Variants in NAA60 observed in about 807,000 individuals in gnomAD.
The protein encoded by NAA60 is N-alpha-acetyltransferase 60.
Under a neutral mutation model 26.1 loss-of-function variants are expected in NAA60, and 8 were observed. That is an observed-to-expected ratio of 0.31 (90% CI 0.18 to 0.55). The LOEUF (loss-of-function observed/expected upper bound fraction) is 0.55. NAA60 is among the 20% of genes least tolerant of loss of function. NAA60 has a pLI of 0.93. For missense variants in NAA60, 290 were observed against 311.3 expected, an observed-to-expected ratio of 0.93 and a Z score of 0.51; for synonymous variants, 131 against 122.5, an observed-to-expected ratio of 1.07 and a Z score of -0.46.
At chr16:3,480,604 A>G (rs1211656411) in intron 4 of NAA60, among the ~76,000 whole-genome samples, 3 of 151,500 alleles carry the variant, frequency 2.0e-5, no homozygotes, top group Non-Finnish European at 4.4e-5. Context: ...TCTAAAAAAA[A>G]AAAAAAAGAA....
At chr16:3,469,949 G>C (rs1390078835) in intron 2 of NAA60, among the ~76,000 whole-genome samples, 1 of 152,204 alleles carries the variant, frequency 6.6e-6, no homozygotes, top group Admixed American at 6.5e-5. Flanking sequence ...CACCATCACT[G>C]TGCTCAAGGA....
intron 2 of NAA60, among the ~76,000 whole-genome samples, chr16:3,467,092 CAGAG>C (rs965626574): frequency 6.6e-6 from 1 of 151,950 alleles, no homozygotes; most frequent in African/African-American, 2.4e-5. Context: ...GTGCTTGGGC[CAGAG>C]AGAAAGAGCC....
chr16:3,447,873 A>G, intron 1 of NAA60, among the ~76,000 whole-genome samples: 1 of 152,178 alleles, frequency 6.6e-6, no homozygotes, highest in East Asian at 1.9e-4. Flanking sequence ...TAATTAGAAA[A>G]AAGCTCAGGG....
intron 2 of NAA60, 184 bp from the exon 3 acceptor site, chr16:3,476,038 C>T (rs1215168729): frequency 8.7e-6 from 5 of 572,978 alleles, no homozygotes; most frequent in South Asian, 4.2e-5. Context: ...GTCTTCCCAG[C>T]GATGGGGGCG....
chr16:3,443,636 A>T (rs2034431908), upstream of NAA60: 2 of 1,043,738 alleles, frequency 1.9e-6, no homozygotes, highest in East Asian at 5.7e-5. Flanking sequence ...GCCACTGGGC[A>T]GCTGCGAGAG....
intron 2 of NAA60, chr16:3,458,233 A>G: frequency 2.0e-6 from 1 of 489,250 alleles, no homozygotes; most frequent in Non-Finnish European, 2.6e-6. Flanking sequence ...CGGGGCGCCG[A>G]GGGGGCGGGG....
chr16:3,451,084 C>G (rs1379075841), intron 2 of NAA60, among the ~76,000 whole-genome samples: 1 of 152,208 alleles, frequency 6.6e-6, no homozygotes, highest in African/African-American at 2.4e-5. Flanking sequence ...ACAACAAACA[C>G]CTCTGTTGCA....
chr16:3,443,620 CCTGTAGCCA>C, upstream of NAA60: 1 of 873,064 alleles, frequency 1.1e-6, no homozygotes, highest in South Asian at 2.1e-5. Context: ...TAACCGAGGA[CCTGTAGCCA>C]CTGGGCAGCT....
intron 2 of NAA60, among the ~76,000 whole-genome samples, chr16:3,455,625 G>C (rs1567365927): frequency 1.3e-5 from 2 of 150,904 alleles, no homozygotes; most frequent in Non-Finnish European, 1.5e-5. Context: ...TTGATCTCCT[G>C]ACCTCGTGAT....
At chr16:3,479,742 T>A in intron 4 of NAA60, 142 bp downstream of exon 4, 1 of 908,910 alleles carries the variant, frequency 1.1e-6, no homozygotes, top group Non-Finnish European at 1.6e-6. Flanking sequence ...CCAACGACAC[T>A]TGTCCCTGGC....
At chr16:3,453,779 G>A (rs780009802) in intron 2 of NAA60, among the ~76,000 whole-genome samples, 1 of 152,282 alleles carries the variant, frequency 6.6e-6, no homozygotes, top group Non-Finnish European at 1.5e-5. Flanking sequence ...GCAGATTTGT[G>A]TACAAGATTG....
In NAA60 at chr16:3,486,000, G is replaced by A. The variant is rs999303974; in HGVS notation, c.*740G>A. On this transcript the variant is annotated 3_prime_UTR_variant, in exon 8 of 8. Coordinates refer to ENST00000407558, the MANE Select transcript of NAA60 (RefSeq NM_001083601.3). Reference sequence around the variant, plus strand: ...GGACCTTGGCATGCTCCATTCAGCTGACCTGCTGAGGACAGGCATCGCCGA... The same window carrying A: ...GGACCTTGGCATGCTCCATTCAGCTAACCTGCTGAGGACAGGCATCGCCGA... 4 of 269,948 alleles carry A rather than the reference G, an allele frequency of 1.5e-5. No homozygotes were observed. Among genetic ancestry groups the A allele is most frequent in the African/African-American group, 9.0e-5 (4 of 44,346 alleles). 16.7% of individuals were successfully genotyped at this position (269,948 alleles called of 1,614,324 possible).
In NAA60 at chr16:3,484,830, G is replaced by A. The variant is rs867851725; in HGVS notation, c.704G>A (p.Gly235Asp). The A allele has an allele frequency of 8.9e-6, 14 of 1,567,960 alleles. No individual in the cohort carries two copies. The Admixed American group carries it at 2.6e-4, about 29-fold the overall frequency. ...TGGTCGGGCATCTCTTCCAAGAGTG[G>A]CATCGAGTACAGCCGGACCATGTGA... ...LPWSGISSKS[G>D]IEYSRTM is the part of the protein sequence containing the mutation. The change falls in exon 7 of 8, where the codon GGC becomes GAC. Residue 235 changes from glycine to aspartate, a missense_variant. Gly to Asp is a moderately conservative substitution (Grantham distance 94). Transcript: ENST00000407558.
intron 2 of NAA60, among the ~76,000 whole-genome samples, chr16:3,455,461 C>G (rs1353113124): frequency 6.9e-6 from 1 of 144,066 alleles, no homozygotes; most frequent in Non-Finnish European, 1.5e-5. Flanking sequence ...GTGGCGCGAT[C>G]TCAGCTCACT....
At chr16:3,470,200 G>A (rs987216453) in intron 2 of NAA60, among the ~76,000 whole-genome samples, 5 of 152,206 alleles carry the variant, frequency 3.3e-5, no homozygotes, top group Admixed American at 2.6e-4. Flanking sequence ...ACCTCTGAGG[G>A]GCTGGGAAAT....
chr16:3,485,651 G>C lies in NAA60; in HGVS notation c.*391G>C. The C allele has an allele frequency of 2.2e-6, 1 of 456,702 alleles. No individual in the cohort carries two copies. Among genetic ancestry groups the C allele is most frequent in the Non-Finnish European group, 4.4e-6 (1 of 226,956 alleles). The allele number at this position is 456,702 out of a possible 1,614,324, so 28.3% of individuals were successfully genotyped here. ...AGCTCCTTCCTGGAAAGCTGGAGGG[G>C]ACTTTCTCCTGCAAGGGAGGAACGC... is the stretch of plus-strand genomic sequence containing the variant. On this transcript the variant is annotated 3_prime_UTR_variant, in exon 8 of 8. Transcript: ENST00000407558.
At chr16:3,444,023 G>A in intron 1 of NAA60, 186 bp downstream of exon 1, 1 of 1,174,450 alleles carries the variant, frequency 8.5e-7, no homozygotes, top group East Asian at 3.0e-5. Context: ...ATCGGTGTAG[G>A]CCAGGTTGCT....
In NAA60 at chr16:3,479,600, G is replaced by GGTAC. The variant is rs765652913; in HGVS notation, c.240+7_240+10dup. On this transcript the variant is annotated frameshift_variant and splice_region_variant. Coordinates refer to ENST00000407558, the MANE Select transcript of NAA60 (RefSeq NM_001083601.3). LOFTEE classifies it high-confidence loss of function. ...AGAACAGGACCAAAATACATAAAGA[G>GGTAC]GTACGTACGTGTGTGCAGTGAGGAC... The GGTAC allele has an allele frequency of 1.2e-6, 2 of 1,613,962 alleles. No homozygotes were observed. The highest frequency in any genetic ancestry group is 2.2e-5 in the South Asian group (2 of 91,068).
rs542462557 is a variant in NAA60, at chr16:3,455,331, A to C, written c.-7+6791A>C. ...AGTGATCCACCCGCGTCAGCCTCCCAAAGTGCTGGGATTACAGGCATGAGC... is the reference window on the plus strand; with the variant it reads ...AGTGATCCACCCGCGTCAGCCTCCCCAAGTGCTGGGATTACAGGCATGAGC... On this transcript the variant is annotated intron_variant, in intron 2 of 7. Transcript: ENST00000407558. 5.9e-5 allele frequency among the ~76,000 whole-genome samples: 9 copies of C among 151,970 alleles called. No individual in the cohort carries two copies. The East Asian group carries it at 1.7e-3, about 29-fold the overall frequency.
Sources: allele counts gnomAD v4.1 joint callset (sites outside exome capture counted in the v4.1 genomes callset), GRCh38; gene constraint gnomAD v4.1.1; transcripts MANE v1.5; gene names NCBI Gene and HGNC (gene_info 2026-07-23, HGNC 2026-07-21).